The following RASSF2 variants were observed in gnomAD, a reference collection of about 807,000 sequenced individuals.
RASSF2 encodes the protein ras association domain-containing protein 2.
In RASSF2, 34 loss-of-function variants were observed where a neutral mutation model predicts 46.3. The observed-to-expected ratio is 0.73, with a 90% confidence interval of 0.56 to 0.98. The LOEUF is 0.98. RASSF2 is among the 50% of genes least tolerant of loss of function. The probability of loss-of-function intolerance (pLI) is 0.00; values close to 1 mark genes in which losing one functional copy is unlikely to be tolerated. For synonymous variants in RASSF2, 158 were observed against 162.5 expected (o/e 0.97, Z 0.21); for missense variants, 364 against 431.2 (o/e 0.84, Z 1.38).
At chr20:4,809,729 T>C (rs1351781778) in intron 2 of RASSF2, among the ~76,000 whole-genome samples, 1 of 152,186 alleles carries the variant, frequency 6.6e-6, no homozygotes, top group Non-Finnish European at 1.5e-5. Context: ...GCAGGTGTTT[T>C]CAGGAGAAAC....
intron 3 of RASSF2, among the ~76,000 whole-genome samples, chr20:4,799,553 A>G (rs921867627): frequency 6.6e-6 from 1 of 152,218 alleles, no homozygotes; most frequent in Admixed American, 6.5e-5. Context: ...CTGACAAGTT[A>G]AACCTAGATA....
intron 2 of RASSF2, among the ~76,000 whole-genome samples, chr20:4,821,654 C>A (rs1173166311): frequency 6.6e-6 from 1 of 152,194 alleles, no homozygotes; most frequent in African/African-American, 2.4e-5. Context: ...CACCTTCCAG[C>A]CTCCCCAGCA....
chr20:4,787,651 C>T lies in RASSF2; in HGVS notation c.795G>A (p.Val265=). 3.1e-6 allele frequency: 5 copies of T among 1,614,142 alleles called. No homozygotes were observed. Among genetic ancestry groups the T allele is most frequent in the Non-Finnish European group, 4.2e-6 (5 of 1,180,016 alleles). The part of the protein sequence containing the change: ...SKVFLMEKDQ[V]EEVTYDVAQY... ...AACTCACGTCGTAGGTGACTTCCTCCACCTGGTCCTTCTCCATTAGGAACA... is the reference window on the plus strand; with the variant it reads ...AACTCACGTCGTAGGTGACTTCCTCTACCTGGTCCTTCTCCATTAGGAACA... Residue 265 remains valine (V), a synonymous_variant, in exon 10 of 12, where the codon GTG becomes GTA. Coordinates refer to ENST00000379400, the MANE Select transcript of RASSF2 (RefSeq NM_014737.3).
At chr20:4,792,389 T>G (rs1925964420) in intron 6 of RASSF2, 150 bp downstream of exon 6, 1 of 1,474,536 alleles carries the variant, frequency 6.8e-7, no homozygotes, top group South Asian at 1.3e-5. Context: ...TCTAGGTGGG[T>G]GGATGAGGTG....
intron 2 of RASSF2, among the ~76,000 whole-genome samples, chr20:4,814,608 A>G (rs994498601): frequency 6.6e-6 from 1 of 152,156 alleles, no homozygotes. Flanking sequence ...GTGAGTGGGA[A>G]GAGCAAAGGA....
At chr20:4,784,581 G>A (rs1334212993) in intron 11 of RASSF2, among the ~76,000 whole-genome samples, 6 of 81,144 alleles carry the variant, frequency 7.4e-5, no homozygotes, top group Admixed American at 1.8e-4. Flanking sequence ...ACTATGGGTA[G>A]AACATCTAGC....
At chr20:4,809,993 T>A (rs1490859621) in intron 2 of RASSF2, among the ~76,000 whole-genome samples, 1 of 152,140 alleles carries the variant, frequency 6.6e-6, no homozygotes, top group Non-Finnish European at 1.5e-5. Context: ...GACCCAGCAC[T>A]GTCAACACTC....
intron 1 of RASSF2, among the ~76,000 whole-genome samples, chr20:4,823,143 A>G (rs558053506): frequency 1.5e-3 from 225 of 151,960 alleles, no homozygotes; most frequent in Non-Finnish European, 2.7e-3. Flanking sequence ...AGGAGACAAG[A>G]GACAGGCGAG....
rs116547053 is a variant in RASSF2, at chr20:4,783,380, C to A, written c.*893G>T. The A allele has an allele frequency of 6.6e-6, 1 of 152,238 alleles. No homozygotes were observed. The highest frequency in any genetic ancestry group is 2.4e-5 in the African/African-American group (1 of 41,448). The allele number at this position is 152,238 out of a possible 1,614,324, so 9.4% of individuals were successfully genotyped here. ...CACACTAGCTGGTCAGCACTGTGTA[C>A]GCACCAGCGAGATCTTTGTTTCTTG... is the stretch of plus-strand genomic sequence containing the variant. On this transcript the variant is annotated 3_prime_UTR_variant, in exon 12 of 12. Coordinates refer to ENST00000379400, the MANE Select transcript of RASSF2 (RefSeq NM_014737.3).
At position 4,790,969 on chromosome 20, in the gene RASSF2, T is replaced by A. The variant is rs1216282111; in HGVS notation, c.377-358A>T. ...AATGAGTTAGTATACATAAAGCACT[T>A]AGAATAGTGCCTGGCACAGGATAAG... On this transcript the variant is annotated intron_variant, in intron 6 of 11. Transcript: ENST00000379400. The surrounding 1 kb of genome is among the most constrained non-coding windows in gnomAD (Gnocchi z 4.3). 2.0e-5 allele frequency among the ~76,000 whole-genome samples: 3 copies of A among 152,124 alleles called. No homozygotes were observed. Among genetic ancestry groups the A allele is most frequent in the Admixed American group, 2.0e-4 (3 of 15,270 alleles).
intron 5 of RASSF2, among the ~76,000 whole-genome samples, chr20:4,793,739 C>A (rs967675516): frequency 1.3e-5 from 2 of 152,092 alleles, no homozygotes; most frequent in African/African-American, 4.8e-5. Context: ...CTCAGCCTCC[C>A]GAAGTGCTGG....
intron 6 of RASSF2, among the ~76,000 whole-genome samples, chr20:4,791,536 C>T (rs1057143139): frequency 3.9e-5 from 6 of 152,194 alleles, no homozygotes; most frequent in Middle Eastern, 3.4e-3. Context: ...TATAAATATA[C>T]AATACTGACA....
Position 4,795,794 on chromosome 20 carries a change from G to A in RASSF2, c.287+21C>T, listed in dbSNP as rs747868756. On this transcript the variant is annotated intron_variant, in intron 5 of 11. Coordinates refer to ENST00000379400, the MANE Select transcript of RASSF2 (RefSeq NM_014737.3). This position sits in a 1 kb window ranked among gnomAD's most constrained non-coding sequence, Gnocchi z 4.0. ...ACCCAAGCATCCCAGTCATCTCCCT[G>A]CCCCGTCTCTCCTCACTCACCCCTG... 1.2e-6 allele frequency: 2 copies of A among 1,600,708 alleles called. No homozygotes were observed. Among genetic ancestry groups the A allele is most frequent in the African/African-American group, 2.7e-5 (2 of 74,024 alleles).
Position 4,789,641 on chromosome 20 carries a change from G to A in RASSF2, c.594C>T (p.Thr198=). Residue 198 remains threonine, a synonymous_variant, in exon 8 of 12, where the codon ACC becomes ACT. Coordinates refer to ENST00000379400, the MANE Select transcript of RASSF2 (RefSeq NM_014737.3). Reference sequence around the variant, plus strand: ...GCTTCAGGACCTGTGGGGTGGTCATGGTGCTGTTGATGCGGACGTTGGTGA... The same window carrying A: ...GCTTCAGGACCTGTGGGGTGGTCATAGTGCTGTTGATGCGGACGTTGGTGA... The part of the protein sequence containing the change: ...GSVTNVRINS[T]MTTPQVLKLL... 6.2e-7 allele frequency: 1 copy of A among 1,614,148 alleles called. No homozygotes were observed. Among genetic ancestry groups the A allele is most frequent in the Non-Finnish European group, 8.5e-7 (1 of 1,180,032 alleles).
At chr20:4,801,968 G>A (rs1206330576) in intron 2 of RASSF2, among the ~76,000 whole-genome samples, 2 of 152,212 alleles carry the variant, frequency 1.3e-5, no homozygotes, top group African/African-American at 2.4e-5. Context: ...TCAAACTCCT[G>A]ACCTCAGGTG....
At chr20:4,802,398 C>T (rs978715868) in intron 2 of RASSF2, among the ~76,000 whole-genome samples, 1 of 152,160 alleles carries the variant, frequency 6.6e-6, no homozygotes, top group Non-Finnish European at 1.5e-5. Context: ...ACATTACTCA[C>T]AACAGCCCAA....
intron 5 of RASSF2, chr20:4,792,929 A>C: frequency 2.4e-6 from 1 of 409,346 alleles, no homozygotes; most frequent in East Asian, 5.1e-5. Flanking sequence ...GATGGATAAT[A>C]CCAAGGAACA....
At chr20:4,821,084 G>C (rs769325903) in intron 2 of RASSF2, among the ~76,000 whole-genome samples, 1 of 152,084 alleles carries the variant, frequency 6.6e-6, no homozygotes, top group Non-Finnish European at 1.5e-5. Context: ...CTCACGTATG[G>C]AACGCAGACA....
At position 4,780,552 on chromosome 20, in the gene RASSF2, G is replaced by A. The variant is rs1924706546; in HGVS notation, c.*3721C>T. 6.6e-6 allele frequency: 1 copy of A among 152,206 alleles called. No individual in the cohort carries two copies. The highest frequency in any genetic ancestry group is 1.5e-5 in the Non-Finnish European group (1 of 68,038). 9.4% of individuals were successfully genotyped at this position (152,206 alleles called of 1,614,324 possible). A position where few individuals can be genotyped will look rare whatever the true frequency, so the allele number is the denominator to read the frequency against. On this transcript the variant is annotated 3_prime_UTR_variant, in exon 12 of 12. Coordinates refer to ENST00000379400, the MANE Select transcript of RASSF2 (RefSeq NM_014737.3). ...GACTTTGTGCAAAACGATTTAAGTG[G>A]AAACGTGAAAATGTGTGCTGCTATA...
Sources: allele counts gnomAD v4.1 joint callset (sites outside exome capture counted in the v4.1 genomes callset), GRCh38; gene constraint gnomAD v4.1.1; non-coding constraint Gnocchi (gnomAD v3.1); transcripts MANE v1.5; gene names NCBI Gene and HGNC (gene_info 2026-07-23, HGNC 2026-07-21).